Variants in RECQL4 observed in about 807,000 individuals in gnomAD.
RECQL4 encodes RecQ like helicase 4.
A neutral mutation model predicts 128.6 loss-of-function variants in RECQL4; 158 were observed. That is an observed-to-expected ratio of 1.23 (90% CI 1.08 to 1.40). RECQL4 has a LOEUF of 1.40. Ranked by LOEUF, RECQL4 falls within the 40% of genes most tolerant of loss-of-function variation. The probability of loss-of-function intolerance (pLI) is 0.00; values close to 1 mark genes in which losing one functional copy is unlikely to be tolerated. For missense variants in RECQL4, 2,293 were observed against 1,649.8 expected (o/e 1.39, Z -6.75); for synonymous variants, 996 against 678.9 (o/e 1.47, Z -7.26).
Position 144,515,078 on chromosome 8 carries a change from T to C in RECQL4, c.1484-6A>G. The stretch of plus-strand genomic sequence containing the variant: ...CACCAGCAGCGTGGAGATGCCTGGA[T>C]GGGGCGGGAGTCAGCAGCAGGGTTC... On this transcript the variant is annotated splice_polypyrimidine_tract_variant and splice_region_variant and intron_variant, in intron 8 of 20. Coordinates refer to ENST00000617875, the MANE Select transcript of RECQL4 (RefSeq NM_004260.4). The C allele has an allele frequency of 6.2e-7, 1 of 1,603,164 alleles. No individual in the cohort carries two copies. Among genetic ancestry groups the C allele is most frequent in the East Asian group, 2.3e-5 (1 of 44,410 alleles).
In RECQL4 at chr8:144,517,183, T is replaced by C. The variant is rs759778382; in HGVS notation, c.221A>G (p.Glu74Gly). The C allele has an allele frequency of 2.1e-5, 33 of 1,603,138 alleles. No homozygotes were observed. The highest frequency in any genetic ancestry group is 2.7e-5 in the Non-Finnish European group (32 of 1,176,812). ...SLPAAAEEAP[E>G]PRCWGPHLNR... ...CAGATGGGGCCCCCAGCAGCGGGGCTCTGGCGCCTGCAGGAGACAACAGGG... is the reference window on the plus strand; with the variant it reads ...CAGATGGGGCCCCCAGCAGCGGGGCCCTGGCGCCTGCAGGAGACAACAGGG... Residue 74 changes from glutamate (E) to glycine (G), a missense_variant, in exon 4 of 21, where the codon GAG becomes GGG. Transcript: ENST00000617875.
Position 144,514,198 on chromosome 8 carries a change from G to T in RECQL4, c.1869C>A (p.Arg623=). Residue 623 remains arginine, a synonymous_variant, in exon 11 of 21, where the codon CGC becomes CGA. Coordinates refer to ENST00000617875, the MANE Select transcript of RECQL4 (RefSeq NM_004260.4). ...WSHNFRPCYL[R]VCKVLRERMG... ...TTCACATATGGCTCACCTTGCAGACGCGCAGGTAGCAGGGCCGGAAGTTGT... is the reference window on the plus strand; with the variant it reads ...TTCACATATGGCTCACCTTGCAGACTCGCAGGTAGCAGGGCCGGAAGTTGT... 2 of 1,612,242 alleles carry T rather than the reference G, an allele frequency of 1.2e-6. No homozygotes were observed. Among genetic ancestry groups the T allele is most frequent in the Non-Finnish European group, 1.7e-6 (2 of 1,179,712 alleles).
intron 20 of RECQL4, 22 bp from the exon 21 acceptor site, chr8:144,511,577 G>A: frequency 6.2e-7 from 1 of 1,609,432 alleles, no homozygotes; most frequent in Non-Finnish European, 8.5e-7. Flanking sequence ...CCAAGACACA[G>A]CCGTGAGCCC....
Position 144,516,118 on chromosome 8 carries a change from T to C in RECQL4, c.1001A>G (p.Glu334Gly), listed in dbSNP as rs1176881219. 2 of 1,613,012 alleles carry C rather than the reference T, an allele frequency of 1.2e-6. No individual in the cohort carries two copies. Among genetic ancestry groups the C allele is most frequent in the Admixed American group, 1.7e-5 (1 of 60,024 alleles). ...PSSQARAGKA[E>G]GTAPLHIFPR... ...GAAGATGTGCAGGGGGGCTGTGCCC[T>C]CAGCCTTCCCAGCCCTAGCTTGACT... Residue 334 changes from glutamate to glycine, a missense_variant, in exon 5 of 21, where the codon GAG becomes GGG. Transcript: ENST00000617875.
rs374983038 is a variant in RECQL4, at chr8:144,512,335, G to C, written c.3056-11C>G. 1.2e-6 allele frequency: 2 copies of C among 1,611,838 alleles called. No homozygotes were observed. The highest frequency in any genetic ancestry group is 1.3e-5 in the African/African-American group (1 of 75,056). ...TCCCACGCCGCACACCTGCCGGAAA[G>C]CATGTCAGATGCAGGCAGGCAGCGT... On this transcript the variant is annotated splice_polypyrimidine_tract_variant and intron_variant, in intron 17 of 20. Transcript: ENST00000617875.
At chr8:144,513,164 G>A (rs1342619128) in intron 14 of RECQL4, 26 bp from the exon 15 acceptor site, 2 of 1,557,188 alleles carry the variant, frequency 1.3e-6, no homozygotes, top group Admixed American at 1.7e-5. Flanking sequence ...CATGAGGGTG[G>A]GGTGGACCAC....
At position 144,516,816 on chromosome 8, in the gene RECQL4, G is replaced by C. The variant is rs981887473; in HGVS notation, c.355-52C>G. The C allele has an allele frequency of 2.7e-4, 401 of 1,492,360 alleles. 1 individual carries two copies. Among genetic ancestry groups the C allele is most frequent in the Non-Finnish European group, 3.4e-4 (382 of 1,119,404 alleles). 92.4% of individuals were successfully genotyped at this position (1,492,360 alleles called of 1,614,324 possible). Reference sequence around the variant, plus strand: ...GAGGAACTCAGGCCCCTGAGCTACTGTAGACTCTAAAACCTACCTGAGTCC... The same window carrying C: ...GAGGAACTCAGGCCCCTGAGCTACTCTAGACTCTAAAACCTACCTGAGTCC... On this transcript the variant is annotated intron_variant, in intron 4 of 20. Transcript: ENST00000617875.
rs771492637 is a variant in RECQL4 at position 144,513,114 on chromosome 8, T to C, written c.2488A>G (p.Arg830Gly). The C allele has an allele frequency of 6.4e-7, 1 of 1,562,928 alleles. No individual in the cohort carries two copies. Among genetic ancestry groups the C allele is most frequent in the Non-Finnish European group, 8.7e-7 (1 of 1,152,328 alleles). ...TCCGTGCTGTCGGCGTGCACATGTCTGCGCAGCTCTCGCAGGTCTTCGCCC... is the reference window on the plus strand; with the variant it reads ...TCCGTGCTGTCGGCGTGCACATGTCCGCGCAGCTCTCGCAGGTCTTCGCCC... ...PQGEDLRELR[R>G]HVHADSTDFL... The change falls in exon 15 of 21, where the codon AGA (arginine) becomes GGA (glycine). Residue 830 changes from arginine (R) to glycine (G), a missense_variant. Transcript: ENST00000617875.
Position 144,517,786 on chromosome 8 carries a change from G to C in RECQL4, c.-2C>G. On this transcript the variant is annotated 5_prime_UTR_variant, in exon 1 of 21. Coordinates refer to ENST00000617875, the MANE Select transcript of RECQL4 (RefSeq NM_004260.4). ...CCGCACGTCCCGCAGCCGCTCCATG[G>C]CGCGCGCGCCCGCCCGGCCTCCGCG... The C allele has an allele frequency of 8.1e-7, 1 of 1,230,302 alleles. No homozygotes were observed. The highest frequency in any genetic ancestry group is 1.0e-6 in the Non-Finnish European group (1 of 981,520). 76.2% of individuals were successfully genotyped at this position (1,230,302 alleles called of 1,614,324 possible). A position where few individuals can be genotyped will look rare whatever the true frequency, so the allele number is the denominator to read the frequency against.
At position 144,511,452 on chromosome 8, in the gene RECQL4, C is replaced by A. The variant is rs1259980040; in HGVS notation, c.3606G>T (p.Glu1202Asp). 6.2e-7 allele frequency: 1 copy of A among 1,612,534 alleles called. No homozygotes were observed. Among genetic ancestry groups the A allele is most frequent in the Non-Finnish European group, 8.5e-7 (1 of 1,179,742 alleles). ...FHALVGLATE[E>D]LLQVAR ...GCAGTCAGCGGGCCACCTGCAGGAG[C>A]TCTTCCGTGGCCAGGCCCACCAGGG... Residue 1202 changes from glutamate to aspartate, a missense_variant, in exon 21 of 21, where the codon GAG (glutamate) becomes GAT (aspartate). Coordinates refer to ENST00000617875, the MANE Select transcript of RECQL4 (RefSeq NM_004260.4).
At chr8:144,512,106 G>A (rs1183520401) in intron 18 of RECQL4, 38 bp downstream of exon 18, 5 of 1,603,406 alleles carry the variant, frequency 3.1e-6, no homozygotes, top group African/African-American at 1.3e-5. Flanking sequence ...CACTGCGGGA[G>A]GGTGGATGGT....
intron 6 of RECQL4, 31 bp downstream of exon 6, chr8:144,515,733 C>T (rs1237205958): frequency 9.3e-6 from 15 of 1,608,604 alleles, no homozygotes; most frequent in Non-Finnish European, 1.3e-5. Flanking sequence ...ACAGTGTTGG[C>T]CGGACCCACC....
rs1827942611 is a variant in RECQL4, at chr8:144,514,996, G to A, written c.1560C>T (p.Ser520=). Residue 520 remains serine (S), a synonymous_variant, in exon 9 of 21, where the codon AGC becomes AGT. Coordinates refer to ENST00000617875, the MANE Select transcript of RECQL4 (RefSeq NM_004260.4). The stretch of plus-strand genomic sequence containing the variant: ...CCAACGTGAGGCAGGGGCTGCGCCG[G>A]CTGTAGAGCAGCGCTGGGAGCTGGT... ...LCYQLPALLY[S]RRSPCLTLVV... is the part of the protein sequence containing the mutation. The A allele has an allele frequency of 1.9e-6, 3 of 1,611,338 alleles. No homozygotes were observed. The highest frequency in any genetic ancestry group is 2.2e-5 in the East Asian group (1 of 44,852).
rs899269136 is a variant in RECQL4 at position 144,511,362 on chromosome 8, C to T, written c.*69G>A. On this transcript the variant is annotated 3_prime_UTR_variant, in exon 21 of 21. Coordinates refer to ENST00000617875, the MANE Select transcript of RECQL4 (RefSeq NM_004260.4). ...CCCACACCCTGTGGCAGGTTTTGCC[C>T]AGGTCCTCAGTCACTGCCCTAGCCT... 19 of 1,591,418 alleles carry T rather than the reference C, an allele frequency of 1.2e-5. No homozygotes were observed. The highest frequency in any genetic ancestry group is 1.5e-5 in the Non-Finnish European group (17 of 1,163,354).
Position 144,515,051 on chromosome 8 carries a change from A to G in RECQL4, c.1505T>C (p.Leu502Pro). ...CAGGGACTTGCCGGCACCTGTAGGCAGCACCAGCAGCGTGGAGATGCCTGG... is the reference window on the plus strand; with the variant it reads ...CAGGGACTTGCCGGCACCTGTAGGCGGCACCAGCAGCGTGGAGATGCCTGG... ...ILSGISTLLV[L>P]PTGAGKSLCY... Residue 502 changes from leucine to proline, a missense_variant, in exon 9 of 21, where the codon CTG becomes CCG. Physicochemically the swap from Leu to Pro is moderately conservative, Grantham distance 98. Coordinates refer to ENST00000617875, the MANE Select transcript of RECQL4 (RefSeq NM_004260.4). 1 of 1,609,010 alleles carries G rather than the reference A, an allele frequency of 6.2e-7. No homozygotes were observed. The highest frequency in any genetic ancestry group is 8.5e-7 in the Non-Finnish European group (1 of 1,178,480).
At position 144,512,463 on chromosome 8, in the gene RECQL4, G is replaced by A; in HGVS notation, c.2984C>T (p.Ser995Phe). Residue 995 changes from serine to phenylalanine, a missense_variant, in exon 17 of 21, where the codon TCC becomes TTC. Ser to Phe is a radical substitution (Grantham distance 155). Transcript: ENST00000617875. Reference protein sequence around the residue: ...VEFDMVKLVDSMGWELASVRR... With the variant: ...VEFDMVKLVDFMGWELASVRR... ...CACAGAGGCCAGCTCCCAGCCCATG[G>A]AGTCCACCAGCTTGACCATGTCAAA... 2 of 1,612,126 alleles carry A rather than the reference G, an allele frequency of 1.2e-6. No homozygotes were observed. Among genetic ancestry groups the A allele is most frequent in the Non-Finnish European group, 8.5e-7 (1 of 1,179,634 alleles).
chr8:144,512,867 G>C lies in RECQL4; in HGVS notation c.2735C>G (p.Ala912Gly), dbSNP rs752408076. The C allele has an allele frequency of 6.2e-6, 10 of 1,601,134 alleles. No individual in the cohort carries two copies. Among genetic ancestry groups the C allele is most frequent in the South Asian group, 1.1e-5 (1 of 89,344 alleles). The change falls in exon 15 of 21, where the codon GCT becomes GGT. Residue 912 changes from alanine (A) to glycine (G), a missense_variant. Ala to Gly is a moderately conservative substitution (Grantham distance 60). Coordinates refer to ENST00000617875, the MANE Select transcript of RECQL4 (RefSeq NM_004260.4). ...RALPIQLTVQ[A>G]LDMPEEAIET... ...CTCACCCTCCTCCGGCATGTCCAAA[G>C]CCTGTACGGTAAGCTGTATTGGGAG...
rs1296389676 is a variant in RECQL4 at position 144,515,016 on chromosome 8, G to A, written c.1540C>T (p.Leu514Phe). Residue 514 changes from leucine (L) to phenylalanine (F), a missense_variant, in exon 9 of 21, where the codon CTC (leucine) becomes TTC (phenylalanine). Transcript: ENST00000617875. ...CGCCGGCTGTAGAGCAGCGCTGGGAGCTGGTAGCACAGGGACTTGCCGGCA... is the reference window on the plus strand; with the variant it reads ...CGCCGGCTGTAGAGCAGCGCTGGGAACTGGTAGCACAGGGACTTGCCGGCA... ...TGAGKSLCYQ[L>F]PALLYSRRSP... 2 of 1,610,980 alleles carry A rather than the reference G, an allele frequency of 1.2e-6. No homozygotes were observed. Among genetic ancestry groups the A allele is most frequent in the Non-Finnish European group, 8.5e-7 (1 of 1,179,284 alleles).
chr8:144,514,816 C>T, intron 9 of RECQL4, 120 bp downstream of exon 9: 1 of 1,286,212 alleles, frequency 7.8e-7, no homozygotes, highest in Non-Finnish European at 1.1e-6. Flanking sequence ...GGACTGAGGC[C>T]ACAGACACCT....
Sources: allele counts gnomAD v4.1 joint callset, GRCh38; gene constraint gnomAD v4.1.1; transcripts MANE v1.5; gene names NCBI Gene and HGNC (gene_info 2026-07-23, HGNC 2026-07-21).